The following PITPNM2 variants were observed in gnomAD, a reference collection of about 807,000 sequenced individuals.
PITPNM2 encodes phosphatidylinositol transfer protein membrane associated 2.
In PITPNM2, 35 loss-of-function variants were observed where a neutral mutation model predicts 132.2. The observed-to-expected ratio is 0.26, with a 90% CI of 0.20 to 0.35. The LOEUF is 0.35. Ranked by LOEUF, PITPNM2 falls within the 10% of genes least tolerant of loss-of-function variation. PITPNM2 has a pLI of 1.00. For synonymous variants in PITPNM2, 738 were observed against 799.2 expected, an observed-to-expected ratio of 0.92 and a Z score of 1.29; for missense variants, 1,332 against 1,912.0, an observed-to-expected ratio of 0.70 and a Z score of 5.66.
chr12:122,990,803 C>A, intron 16 of PITPNM2, 94 bp from the exon 17 acceptor site: 1 of 1,342,522 alleles, frequency 7.4e-7, no homozygotes, highest in Non-Finnish European at 1.0e-6. Flanking sequence ...CAGTGTGCAC[C>A]TAGACTGGAG....
rs1314351249 is a variant in PITPNM2, at chr12:123,150,540, G to A, written c.-200+213C>T. ...CGGCGACTCACTGAGGCCAGGCTCG[G>A]GCGGTCTCCCGAGCGGGGCTCCCGT... On this transcript the variant is annotated intron_variant, in intron 1 of 25. Coordinates refer to ENST00000320201, the MANE Select transcript of PITPNM2 (RefSeq NM_020845.3). The surrounding 1 kb of genome is among the most constrained non-coding windows in gnomAD (Gnocchi z 6.0). 6.6e-6 allele frequency among the ~76,000 whole-genome samples: 1 copy of A among 151,970 alleles called. No homozygotes were observed. Among genetic ancestry groups the A allele is most frequent in the Non-Finnish European group, 1.5e-5 (1 of 67,964 alleles).
At chr12:123,132,010 A>G (rs537517606) in intron 1 of PITPNM2, among the ~76,000 whole-genome samples, 154 of 152,360 alleles carry the variant, frequency 1.0e-3, no homozygotes, top group African/African-American at 3.6e-3. Flanking sequence ...GGCTGTCTGC[A>G]TGAGGCCTGT....
chr12:123,062,324 T>G (rs1592983470), intron 2 of PITPNM2, among the ~76,000 whole-genome samples: 1 of 152,012 alleles, frequency 6.6e-6, no homozygotes, highest in African/African-American at 2.4e-5. Context: ...AGTGAGGGGG[T>G]AGAACACTAT....
At chr12:122,989,480 C>T (rs886856188) in intron 18 of PITPNM2, among the ~76,000 whole-genome samples, 7 of 152,142 alleles carry the variant, frequency 4.6e-5, no homozygotes, top group South Asian at 2.1e-4. Context: ...CTGGGCTGTC[C>T]GCAGGAGAGG....
intron 2 of PITPNM2, among the ~76,000 whole-genome samples, chr12:123,041,260 GAAC>G (rs958401614): frequency 6.6e-6 from 1 of 152,212 alleles, no homozygotes; most frequent in Non-Finnish European, 1.5e-5. Flanking sequence ...TAGCAAGAGT[GAAC>G]AACAAGGTGG....
At chr12:123,118,490 G>A (rs191258600) in intron 1 of PITPNM2, among the ~76,000 whole-genome samples, 107 of 152,366 alleles carry the variant, frequency 7.0e-4, no homozygotes, top group Middle Eastern at 6.8e-3. Context: ...AATCTTAGCT[G>A]TGTGCTTCCT....
intron 2 of PITPNM2, among the ~76,000 whole-genome samples, chr12:123,038,833 C>G (rs1256159845): frequency 6.6e-6 from 1 of 152,120 alleles, no homozygotes; most frequent in Non-Finnish European, 1.5e-5. Flanking sequence ...GGCACGGTGG[C>G]TCACACCTAT....
chr12:123,074,654 C>A (rs1054360573), intron 2 of PITPNM2, among the ~76,000 whole-genome samples: 4 of 152,122 alleles, frequency 2.6e-5, no homozygotes, highest in African/African-American at 7.2e-5. Flanking sequence ...CAAACACACA[C>A]ATATGGCCTC....
chr12:123,041,431 G>T (rs183687220), intron 2 of PITPNM2, among the ~76,000 whole-genome samples: 8 of 152,172 alleles, frequency 5.3e-5, no homozygotes, highest in Non-Finnish European at 1.2e-4. Context: ...AGCCAGGCAC[G>T]GACCTACTGG....
intron 1 of PITPNM2, among the ~76,000 whole-genome samples, chr12:123,146,292 C>G (rs117389598): frequency 6.6e-6 from 1 of 152,028 alleles, no homozygotes. Flanking sequence ...TGTGCTTGTA[C>G]CCCTGAACTT....
intron 2 of PITPNM2, among the ~76,000 whole-genome samples, chr12:123,065,481 A>C (rs1480725319): frequency 1.3e-5 from 2 of 152,338 alleles, no homozygotes; most frequent in East Asian, 3.9e-4. Flanking sequence ...AGACAGGAAC[A>C]ACCATTTATG....
At chr12:123,003,487 G>C (rs927675758) in intron 8 of PITPNM2, among the ~76,000 whole-genome samples, 1 of 152,210 alleles carries the variant, frequency 6.6e-6, no homozygotes, top group Non-Finnish European at 1.5e-5. Flanking sequence ...AGGCCAGCTC[G>C]GGAGTCCCCA....
chr12:123,100,981 T>A (rs2042550245), intron 2 of PITPNM2, among the ~76,000 whole-genome samples: 1 of 152,192 alleles, frequency 6.6e-6, no homozygotes, highest in Non-Finnish European at 1.5e-5. Context: ...TACCCCACAC[T>A]GACATTGATC....
In PITPNM2 at chr12:123,000,429, T is replaced by G. The variant is rs1276130057; in HGVS notation, c.1224+349A>C. ...CTTCCTCCCTTTTCGTCTTTTTATC[T>G]TCAGGGACAGCAGACAGGCTGGGCA... On this transcript the variant is annotated intron_variant, in intron 10 of 25. Coordinates refer to ENST00000320201, the MANE Select transcript of PITPNM2 (RefSeq NM_020845.3). This position sits in a 1 kb window ranked among gnomAD's most constrained non-coding sequence, Gnocchi z 5.4. The G allele has an allele frequency of 2.8e-6, 2 of 702,876 alleles. No homozygotes were observed. Among genetic ancestry groups the G allele is most frequent in the East Asian group, 5.4e-5 (2 of 37,308 alleles). The allele number at this position is 702,876 out of a possible 1,614,324, so 43.5% of individuals were successfully genotyped here.
In PITPNM2 at chr12:122,984,992, C is replaced by G. The variant is rs1049754737; in HGVS notation, c.*1035G>C. 6.6e-6 allele frequency: 1 copy of G among 152,334 alleles called. No homozygotes were observed. Among genetic ancestry groups the G allele is most frequent in the South Asian group, 2.1e-4 (1 of 4,824 alleles). The allele number at this position is 152,334 out of a possible 1,614,324, so 9.4% of individuals were successfully genotyped here. On this transcript the variant is annotated 3_prime_UTR_variant, in exon 26 of 26. Coordinates refer to ENST00000320201, the MANE Select transcript of PITPNM2 (RefSeq NM_020845.3). ...AAAACGGAATTGGCATTAAAAAAAC[C>G]GAAGTGTGTGCCCCACCCACCCCAG...
At chr12:123,028,509 G>A (rs1340725983) in intron 3 of PITPNM2, among the ~76,000 whole-genome samples, 1 of 152,224 alleles carries the variant, frequency 6.6e-6, no homozygotes, top group African/African-American at 2.4e-5. Flanking sequence ...CCTTGAGCCT[G>A]TGCTGAAACG....
intron 8 of PITPNM2, among the ~76,000 whole-genome samples, chr12:123,002,404 A>T (rs1300375866): frequency 2.6e-5 from 4 of 152,194 alleles, no homozygotes; most frequent in Admixed American, 1.3e-4. Flanking sequence ...CACCATTTTT[A>T]AAATTTCTTA....
chr12:123,135,373 AG>A (rs746919320), intron 1 of PITPNM2, among the ~76,000 whole-genome samples: 11 of 102,440 alleles, frequency 1.1e-4, no homozygotes, highest in Non-Finnish European at 1.9e-4. Flanking sequence ...TGATAACCAT[AG>A]TAACATATGA....
At chr12:123,116,236 T>C (rs1344874912) in intron 1 of PITPNM2, among the ~76,000 whole-genome samples, 1 of 152,174 alleles carries the variant, frequency 6.6e-6, no homozygotes, top group African/African-American at 2.4e-5. Context: ...TCTGCACCAA[T>C]GTTCACAGCA....
Sources: allele counts gnomAD v4.1 joint callset (sites outside exome capture counted in the v4.1 genomes callset), GRCh38; gene constraint gnomAD v4.1.1; non-coding constraint Gnocchi (gnomAD v3.1); transcripts MANE v1.5; gene names NCBI Gene and HGNC (gene_info 2026-07-23, HGNC 2026-07-21).